ALK: variants seen among roughly 807,000 people sequenced by gnomAD.
ALK encodes the protein ALK receptor tyrosine kinase, also known as ALK tyrosine kinase receptor.
In ALK, 74 loss-of-function variants were observed where a neutral mutation model predicts 163.1. The ratio of observed to expected loss-of-function variants is 0.45; its 90% confidence interval spans 0.38 to 0.55. ALK has a LOEUF of 0.55. Ranked by LOEUF, ALK falls within the 20% of genes least tolerant of loss-of-function variation. The pLI is 0.00. For missense variants in ALK, 2,063 were observed against 2,105.3 expected (o/e 0.98, Z 0.39); for synonymous variants, 960 against 843.2 (o/e 1.14, Z -2.40).
At chr2:29,734,642 T>G (rs964609380) in intron 1 of ALK, among the ~76,000 whole-genome samples, 2 of 151,968 alleles carry the variant, frequency 1.3e-5, no homozygotes, top group East Asian at 1.9e-4. Context: ...TCTTTCTCCC[T>G]CTCTCTTTCT....
intron 11 of ALK, among the ~76,000 whole-genome samples, chr2:29,252,758 T>C (rs1165241441): frequency 6.6e-6 from 1 of 152,112 alleles, no homozygotes. Flanking sequence ...AGGATGGTCA[T>C]TTCAGGGGCT....
intron 3 of ALK, among the ~76,000 whole-genome samples, chr2:29,685,557 T>C (rs916536637): frequency 6.6e-6 from 1 of 152,220 alleles, no homozygotes; most frequent in Non-Finnish European, 1.5e-5. Context: ...CTTCAATATA[T>C]GTAAGTCAGT....
Position 29,287,394 on chromosome 2 carries a change from C to T in ALK, c.1817+9494G>A, listed in dbSNP as rs145427768. 2.9e-3 allele frequency among the ~76,000 whole-genome samples: 446 copies of T among 152,298 alleles called. 4 individuals carry two copies. Among genetic ancestry groups the T allele is most frequent in the African/African-American group, 9.1e-3 (379 of 41,564 alleles). The stretch of plus-strand genomic sequence containing the variant: ...TGTCTTACACACAATAGATGCCTAA[C>T]ATCTAATGACCAAGACCTTCAACTG... On this transcript the variant is annotated intron_variant, in intron 9 of 28. Transcript: ENST00000389048.
intron 4 of ALK, among the ~76,000 whole-genome samples, chr2:29,440,553 G>T (rs1670515694): frequency 6.6e-6 from 1 of 152,126 alleles, no homozygotes; most frequent in African/African-American, 2.4e-5. Context: ...CCAACCTCAG[G>T]TGATCCGCCT....
intron 3 of ALK, among the ~76,000 whole-genome samples, chr2:29,561,315 A>G (rs573015954): frequency 1.9e-4 from 29 of 152,202 alleles, no homozygotes; most frequent in Admixed American, 3.3e-4. Flanking sequence ...CCAGCCCCAT[A>G]TGGAAACTGA....
At chr2:29,851,448 C>T (rs1323372609) in intron 1 of ALK, among the ~76,000 whole-genome samples, 2 of 152,186 alleles carry the variant, frequency 1.3e-5, no homozygotes, top group African/African-American at 4.8e-5. Flanking sequence ...ATCTCGCATT[C>T]CCTTCCTCTT....
At chr2:29,585,707 A>G (rs931616237) in intron 3 of ALK, among the ~76,000 whole-genome samples, 17 of 152,026 alleles carry the variant, frequency 1.1e-4, no homozygotes, top group Admixed American at 1.1e-3. Flanking sequence ...TATCCTGAGC[A>G]TTTTTCTATA....
chr2:29,325,105 A>G (rs1049117833), intron 6 of ALK, among the ~76,000 whole-genome samples: 1 of 152,102 alleles, frequency 6.6e-6, no homozygotes, highest in African/African-American at 2.4e-5. Flanking sequence ...GGAGTTGATT[A>G]AATGCAACCT....
chr2:29,711,718 C>T (rs1216974593), intron 2 of ALK, among the ~76,000 whole-genome samples: 1 of 152,096 alleles, frequency 6.6e-6, no homozygotes, highest in Non-Finnish European at 1.5e-5. Flanking sequence ...TGAACCATGT[C>T]AACGGGAAAA....
chr2:29,225,394 A>G (rs1663936823), intron 19 of ALK, 67 bp downstream of exon 19: 7 of 1,382,914 alleles, frequency 5.1e-6, no homozygotes, highest in Non-Finnish European at 1.0e-6. Flanking sequence ...CCTGTGGCAC[A>G]GCCTGAGACA....
chr2:29,918,727 A>G (rs1285885585), intron 1 of ALK, among the ~76,000 whole-genome samples: 1 of 152,184 alleles, frequency 6.6e-6, no homozygotes, highest in Non-Finnish European at 1.5e-5. Flanking sequence ...TGTGTGCACA[A>G]GCATGCAAGA....
intron 5 of ALK, among the ~76,000 whole-genome samples, chr2:29,348,860 A>G (rs113086682): frequency 3.3e-5 from 5 of 152,192 alleles, no homozygotes; most frequent in Admixed American, 6.5e-5. Flanking sequence ...AGTACTCTCC[A>G]TTAAAGGGAC....
rs901652689 is a variant in ALK, at chr2:29,436,931, T to C, written c.1155-53072A>G. ...CACAGGCCCGAAGATCTGTATGACATGGAACTCAGCAGGAGTGACAGAGGT... is the reference window on the plus strand; with the variant it reads ...CACAGGCCCGAAGATCTGTATGACACGGAACTCAGCAGGAGTGACAGAGGT... On this transcript the variant is annotated intron_variant, in intron 4 of 28. Coordinates refer to ENST00000389048, the MANE Select transcript of ALK (RefSeq NM_004304.5). 3.9e-5 allele frequency among the ~76,000 whole-genome samples: 6 copies of C among 152,100 alleles called. No individual in the cohort carries two copies. In the South Asian group the frequency reaches 8.3e-4, roughly 21 times the overall value.
chr2:29,331,238 T>C (rs1667428949), intron 5 of ALK, among the ~76,000 whole-genome samples: 1 of 152,190 alleles, frequency 6.6e-6, no homozygotes, highest in African/African-American at 2.4e-5. Flanking sequence ...TAAGCAAGGT[T>C]TCCCCAGATA....
At chr2:29,363,377 C>G (rs1381404867) in intron 5 of ALK, among the ~76,000 whole-genome samples, 1 of 152,228 alleles carries the variant, frequency 6.6e-6, no homozygotes, top group Non-Finnish European at 1.5e-5. Context: ...ATAGCCTTCT[C>G]CATGGAGTGG....
intron 3 of ALK, among the ~76,000 whole-genome samples, chr2:29,656,865 C>A (rs1677199331): frequency 6.6e-6 from 1 of 152,156 alleles, no homozygotes; most frequent in South Asian, 2.1e-4. Flanking sequence ...ACTACTCCAT[C>A]CCTTTTTGCA....
chr2:29,396,213 G>A (rs1204218614), intron 4 of ALK, among the ~76,000 whole-genome samples: 1 of 152,146 alleles, frequency 6.6e-6, no homozygotes, highest in Non-Finnish European at 1.5e-5. Context: ...AAGTATCCTG[G>A]ATAATAACGC....
intron 9 of ALK, among the ~76,000 whole-genome samples, chr2:29,296,580 A>C (rs935519156): frequency 6.6e-6 from 1 of 152,214 alleles, no homozygotes; most frequent in Non-Finnish European, 1.5e-5. Flanking sequence ...ATTTGGGGGA[A>C]ATGTGAGTTG....
chr2:29,362,929 T>G (rs1411563664), intron 5 of ALK, among the ~76,000 whole-genome samples: 1 of 152,180 alleles, frequency 6.6e-6, no homozygotes, highest in African/African-American at 2.4e-5. Context: ...CCCATTTACA[T>G]GGGTTGCTAC....
Sources: gnomAD v4.1 joint callset for allele counts (sites outside exome capture counted in the v4.1 genomes callset) on GRCh38, gnomAD v4.1.1 for gene constraint, MANE v1.5 for transcripts, NCBI Gene and HGNC (gene_info 2026-07-23, HGNC 2026-07-21) for gene names.